Variants in CIT observed in about 807,000 individuals in gnomAD.
The protein encoded by CIT is citron rho-interacting serine/threonine kinase.
In CIT, 79 loss-of-function variants were observed where a neutral mutation model predicts 272.7. That is an observed-to-expected ratio of 0.29 (90% CI 0.24 to 0.35). CIT has a LOEUF of 0.35. Ranked by LOEUF, CIT falls within the 10% of genes least tolerant of loss-of-function variation. The pLI, the probability that CIT is intolerant of heterozygous loss-of-function variation, is 1.00. For synonymous variants in CIT, 948 were observed against 995.6 expected (o/e 0.95, Z 0.90); for missense variants, 1,909 against 2,618.3 (o/e 0.73, Z 5.91).
intron 28 of CIT, 96 bp from the exon 29 acceptor site, chr12:119,721,545 C>A: frequency 8.7e-7 from 1 of 1,150,452 alleles, no homozygotes. Context: ...AGGCATGGCA[C>A]CAGAAGTACA....
chr12:119,809,699 C>A (rs1355210146), intron 9 of CIT, among the ~76,000 whole-genome samples: 1 of 152,170 alleles, frequency 6.6e-6, no homozygotes, highest in Non-Finnish European at 1.5e-5. Context: ...TCAGAAGACC[C>A]CATTTCAGAA....
intron 4 of CIT, among the ~76,000 whole-genome samples, chr12:119,855,162 C>T (rs1970503602): frequency 6.6e-6 from 1 of 152,052 alleles, no homozygotes; most frequent in South Asian, 2.1e-4. Context: ...GTGGCTCACA[C>T]CTGTAATCCC....
At chr12:119,819,022 A>T (rs1159101592) in intron 9 of CIT, among the ~76,000 whole-genome samples, 7 of 152,190 alleles carry the variant, frequency 4.6e-5, no homozygotes, top group African/African-American at 1.4e-4. Context: ...GCTTTCCTGA[A>T]GCCCAGAAAG....
intron 9 of CIT, among the ~76,000 whole-genome samples, chr12:119,814,769 C>G (rs921691688): frequency 6.6e-6 from 1 of 152,092 alleles, no homozygotes; most frequent in Non-Finnish European, 1.5e-5. Flanking sequence ...AGGCCCAAAA[C>G]ATCACGCCTG....
chr12:119,838,618 C>A (rs1969189261), intron 5 of CIT, among the ~76,000 whole-genome samples: 1 of 152,136 alleles, frequency 6.6e-6, no homozygotes, highest in Non-Finnish European at 1.5e-5. Context: ...CTCCCTACTC[C>A]AAGTGAATTG....
intron 39 of CIT, among the ~76,000 whole-genome samples, chr12:119,708,928 G>A (rs1003010535): frequency 6.6e-6 from 1 of 152,216 alleles, no homozygotes; most frequent in African/African-American, 2.4e-5. Flanking sequence ...AAGAACGAAT[G>A]TGTGAGGGAG....
chr12:119,730,692 G>A (rs1958388908), intron 26 of CIT, 62 bp from the exon 27 acceptor site: 2 of 1,570,856 alleles, frequency 1.3e-6, no homozygotes, highest in South Asian at 1.1e-5. Flanking sequence ...CGGAAAGAAG[G>A]CTGGTCCGTC....
At chr12:119,812,477 A>G (rs1215357814) in intron 9 of CIT, among the ~76,000 whole-genome samples, 1 of 151,382 alleles carries the variant, frequency 6.6e-6, no homozygotes, top group Non-Finnish European at 1.5e-5. Flanking sequence ...TCTCACTCTG[A>G]TGCCCAGGAG....
chr12:119,730,393 A>T, intron 27 of CIT, 102 bp downstream of exon 27: 1 of 1,279,790 alleles, frequency 7.8e-7, no homozygotes, highest in Non-Finnish European at 1.0e-6. Context: ...TATGTTTATG[A>T]AATATGTTTG....
In CIT at chr12:119,697,741, T is replaced by C. The variant is rs760574446; in HGVS notation, c.5800A>G (p.Lys1934Glu). Reference sequence around the variant, plus strand: ...CCCTTGCAGCAAATGACCCTTAATTTATCCTGGTATGAGGACGCCAAGTAA... The same window carrying C: ...CCCTTGCAGCAAATGACCCTTAATTCATCCTGGTATGAGGACGCCAAGTAA... ...AIYLASSYQD[K>E]LRVICCKGNL... is the part of the protein sequence containing the mutation. Residue 1934 changes from lysine (K) to glutamate (E), a missense_variant, in exon 46 of 48, where the codon AAA becomes GAA. Transcript: ENST00000392521. The surrounding 1 kb of genome is among the most constrained non-coding windows in gnomAD (Gnocchi z 4.9). 2 of 1,614,140 alleles carry C rather than the reference T, an allele frequency of 1.2e-6. No homozygotes were observed. Among genetic ancestry groups the C allele is most frequent in the Non-Finnish European group, 1.7e-6 (2 of 1,180,030 alleles).
At chr12:119,875,428 A>G (rs907703219) in intron 2 of CIT, among the ~76,000 whole-genome samples, 2 of 152,180 alleles carry the variant, frequency 1.3e-5, no homozygotes, top group African/African-American at 4.8e-5. Context: ...TCTTTTTTCC[A>G]AAAGAATCAG....
intron 17 of CIT, among the ~76,000 whole-genome samples, chr12:119,771,494 C>T (rs1395621153): frequency 6.6e-6 from 1 of 152,118 alleles, no homozygotes; most frequent in Non-Finnish European, 1.5e-5. Flanking sequence ...CCTGGAATGG[C>T]TACAGCACAG....
chr12:119,824,064 G>A (rs1967954999), intron 8 of CIT, among the ~76,000 whole-genome samples: 1 of 110,102 alleles, frequency 9.1e-6, no homozygotes. Flanking sequence ...AAAAAAATAG[G>A]CTTAATGTAG....
At chr12:119,777,677 C>CA (rs5801364) in intron 13 of CIT, among the ~76,000 whole-genome samples, 68,188 of 147,178 alleles carry the variant, frequency 0.46, 16,100 homozygotes, top group Admixed American at 0.57. Flanking sequence ...CTCAAAAAAA[C>CA]AAAAAAAAAC....
intron 13 of CIT, 94 bp downstream of exon 13, chr12:119,782,424 C>T: frequency 2.1e-6 from 3 of 1,453,144 alleles, no homozygotes; most frequent in Non-Finnish European, 2.8e-6. Context: ...CTCTCTCTCC[C>T]TTTCTTCCTA....
rs766425863 is a variant in CIT, at chr12:119,876,144, G to A, written c.25C>T (p.Arg9Trp). 1.2e-4 allele frequency: 200 copies of A among 1,613,614 alleles called. No homozygotes were observed. The highest frequency in any genetic ancestry group is 1.6e-4 in the Non-Finnish European group (191 of 1,179,808). MLKFKYGA[R>W]NPLDAGAAEP... is the part of the protein sequence containing the mutation. Reference sequence around the variant, plus strand: ...GCAGCACCAGCATCCAAAGGATTCCGCGCTCCATATTTGAACTTCAACATC... The same window carrying A: ...GCAGCACCAGCATCCAAAGGATTCCACGCTCCATATTTGAACTTCAACATC... Residue 9 changes from arginine to tryptophan, a missense_variant, in exon 2 of 48, where the codon CGG (arginine) becomes TGG (tryptophan). Physicochemically the swap from Arg to Trp is moderately radical, Grantham distance 101. Coordinates refer to ENST00000392521, the MANE Select transcript of CIT (RefSeq NM_001206999.2).
Position 119,693,695 on chromosome 12 carries a change from T to G in CIT, c.5883-3241A>C, listed in dbSNP as rs562987475. Among the ~76,000 whole-genome samples the G allele has an allele frequency of 1.7e-4, 26 of 152,328 alleles. No homozygotes were observed. The South Asian group carries it at 5.4e-3, about 32-fold the overall frequency. On this transcript the variant is annotated intron_variant, in intron 46 of 47. Transcript: ENST00000392521. ...GGGCCAAGCCAAGAGTTAGGAGCAT[T>G]TAATTATTGGCACTTCTGGTTTTTC...
intron 7 of CIT, among the ~76,000 whole-genome samples, chr12:119,831,822 A>G (rs1277538058): frequency 1.3e-5 from 2 of 152,172 alleles, no homozygotes; most frequent in Non-Finnish European, 2.9e-5. Context: ...GTGAGCCGAG[A>G]TCGCGCCACT....
chr12:119,757,129 A>AG (rs1961095826), intron 22 of CIT, among the ~76,000 whole-genome samples: 1 of 151,504 alleles, frequency 6.6e-6, no homozygotes, highest in South Asian at 2.1e-4. Flanking sequence ...AAAAAAAAAA[A>AG]AAAAGAGGTT....
Sources: gnomAD v4.1 joint callset for allele counts (sites outside exome capture counted in the v4.1 genomes callset) on GRCh38, gnomAD v4.1.1 for gene constraint, Gnocchi (gnomAD v3.1) non-coding constraint, MANE v1.5 for transcripts, NCBI Gene and HGNC (gene_info 2026-07-23, HGNC 2026-07-21) for gene names.